CLYBL: variants seen among roughly 807,000 people sequenced by gnomAD.
The protein encoded by CLYBL is citramalyl-CoA lyase, mitochondrial.
Under a neutral mutation model 38.9 loss-of-function variants are expected in CLYBL, and 31 were observed. The ratio of observed to expected loss-of-function variants is 0.80; its 90% confidence interval spans 0.60 to 1.08. CLYBL has a LOEUF of 1.08. Ranked by LOEUF, CLYBL falls within the 50% of genes least tolerant of loss-of-function variation. The pLI, the probability that CLYBL is intolerant of heterozygous loss-of-function variation, is 0.00. For missense variants in CLYBL, 434 were observed against 411.6 expected (o/e 1.05, Z -0.47); for synonymous variants, 171 against 158.6 (o/e 1.08, Z -0.59).
rs371285163 is a variant in CLYBL, at chr13:99,692,634, G to A, written c.63-80190G>A. ...AAAGGACACACGTCAGTGGTTTTCA[G>A]TCTCTTCACAAAGTTGTGTAATGAT... On this transcript the variant is annotated intron_variant, in intron 1 of 8. Coordinates refer to ENST00000339105, the MANE Select transcript of CLYBL (RefSeq NM_206808.5). 4.6e-5 allele frequency among the ~76,000 whole-genome samples: 7 copies of A among 152,200 alleles called. No individual in the cohort carries two copies. In the East Asian group the frequency reaches 1.2e-3, roughly 25 times the overall value.
intron 1 of CLYBL, among the ~76,000 whole-genome samples, chr13:99,758,568 G>A (rs758014084): frequency 1.3e-5 from 2 of 152,098 alleles, no homozygotes; most frequent in Admixed American, 6.6e-5. Flanking sequence ...ACAGATTTTG[G>A]AACAGCTGGG....
chr13:99,697,661 C>CT (rs1345788134), intron 1 of CLYBL, among the ~76,000 whole-genome samples: 7,273 of 135,582 alleles, frequency 0.054, 516 homozygotes, highest in African/African-American at 0.16. Context: ...TTCTTTCTTT[C>CT]TTTTTTTTTT....
intron 1 of CLYBL, among the ~76,000 whole-genome samples, chr13:99,721,028 G>A (rs908508192): frequency 6.7e-6 from 1 of 148,622 alleles, no homozygotes; most frequent in African/African-American, 2.5e-5. Context: ...CCATTCTGTA[G>A]TTCCCTAATT....
intron 2 of CLYBL, among the ~76,000 whole-genome samples, chr13:99,788,394 G>C (rs1366110734): frequency 6.6e-6 from 1 of 152,184 alleles, no homozygotes; most frequent in Non-Finnish European, 1.5e-5. Context: ...AATTTATTGA[G>C]AGTTTTTAGC....
chr13:99,678,916 G>A (rs1441526244), intron 1 of CLYBL, among the ~76,000 whole-genome samples: 2 of 152,148 alleles, frequency 1.3e-5, no homozygotes, highest in Non-Finnish European at 2.9e-5. Flanking sequence ...TGAGGACCTA[G>A]TATGTGCTGG....
intron 4 of CLYBL, 43 bp from the exon 5 acceptor site, chr13:99,864,775 C>T (rs1431757623): frequency 7.4e-7 from 1 of 1,352,774 alleles, no homozygotes; most frequent in African/African-American, 1.4e-5. Context: ...CCCTCTGACG[C>T]ACGCGTTTCC....
chr13:99,808,083 G>GTTGT (rs965383541), intron 2 of CLYBL, among the ~76,000 whole-genome samples: 3 of 152,032 alleles, frequency 2.0e-5, no homozygotes, highest in South Asian at 2.1e-4. Context: ...TGTTTTTGTT[G>GTTGT]TTGTTTGTTT....
intron 2 of CLYBL, among the ~76,000 whole-genome samples, chr13:99,824,257 G>GCCCCCCCCCCCCCCCCCC (rs57450534): frequency 8.4e-4 from 110 of 130,232 alleles, no homozygotes; most frequent in Non-Finnish European, 1.0e-3. Context: ...CTGACTAATA[G>GCCCCCCCCCCCCCCCCCC]CCCCCCCCAC....
chr13:99,824,112 A>C (rs1456850408), intron 2 of CLYBL, among the ~76,000 whole-genome samples: 2 of 152,216 alleles, frequency 1.3e-5, no homozygotes, highest in Non-Finnish European at 2.9e-5. Context: ...TTCTAGACTT[A>C]AATAAGTCCC....
intron 7 of CLYBL, among the ~76,000 whole-genome samples, chr13:99,889,023 G>A (rs376517880): frequency 2.6e-5 from 4 of 152,070 alleles, no homozygotes; most frequent in African/African-American, 9.7e-5. Flanking sequence ...GCTACATTTC[G>A]TTTTGCACCT....
intron 1 of CLYBL, among the ~76,000 whole-genome samples, chr13:99,710,637 G>C (rs2048215385): frequency 6.6e-6 from 1 of 152,124 alleles, no homozygotes; most frequent in African/African-American, 2.4e-5. Context: ...TCCCAAATGA[G>C]AGGTGTCCTT....
At chr13:99,897,617 T>TTC (rs1239330660), downstream of CLYBL, among the ~76,000 whole-genome samples, 1 of 152,164 alleles carries the variant, frequency 6.6e-6, no homozygotes, top group African/African-American at 2.4e-5. Context: ...CGGTGAAACT[T>TTC]TCTCTCTTTC....
chr13:99,725,743 G>T (rs2048461741), intron 1 of CLYBL, among the ~76,000 whole-genome samples: 1 of 152,180 alleles, frequency 6.6e-6, no homozygotes, highest in African/African-American at 2.4e-5. Flanking sequence ...CCACGCCGCT[G>T]AAAGGGTGGA....
chr13:99,820,449 A>G (rs773215898), intron 2 of CLYBL, among the ~76,000 whole-genome samples: 8 of 152,070 alleles, frequency 5.3e-5, no homozygotes, highest in Non-Finnish European at 7.4e-5. Flanking sequence ...GACTGCTTCC[A>G]TATACTCTGT....
chr13:99,836,718 T>G (rs1404555783), intron 2 of CLYBL, among the ~76,000 whole-genome samples: 1 of 152,220 alleles, frequency 6.6e-6, no homozygotes, highest in Non-Finnish European at 1.5e-5. Context: ...CTTAAATCAT[T>G]AAATTCTTCC....
chr13:99,831,103 C>T (rs565295397), intron 2 of CLYBL, among the ~76,000 whole-genome samples: 1 of 152,212 alleles, frequency 6.6e-6, no homozygotes, highest in South Asian at 2.1e-4. Flanking sequence ...GGTTGGGTGG[C>T]GGCAGCTGCA....
rs534844481 is a variant in CLYBL, at chr13:99,695,499, G to A, written c.63-77325G>A. On this transcript the variant is annotated intron_variant, in intron 1 of 8. Coordinates refer to ENST00000339105, the MANE Select transcript of CLYBL (RefSeq NM_206808.5). Reference sequence around the variant, plus strand: ...TAGCAAGCCCGTTCAGATTCTTCTTGGTGTTCCTGTGTGACATTTTTTTTT... The same window carrying A: ...TAGCAAGCCCGTTCAGATTCTTCTTAGTGTTCCTGTGTGACATTTTTTTTT... Among the ~76,000 whole-genome samples, 8 of 152,148 alleles carry A rather than the reference G, an allele frequency of 5.3e-5. No homozygotes were observed. The East Asian group carries it at 1.5e-3, about 29-fold the overall frequency.
intron 3 of CLYBL, among the ~76,000 whole-genome samples, chr13:99,862,594 C>T (rs892495012): frequency 1.4e-4 from 21 of 152,084 alleles, no homozygotes; most frequent in African/African-American, 5.1e-4. Flanking sequence ...GTGCTGGGCA[C>T]GAAACAAAAA....
At chr13:99,702,103 C>T (rs1324022153) in intron 1 of CLYBL, among the ~76,000 whole-genome samples, 2 of 152,004 alleles carry the variant, frequency 1.3e-5, no homozygotes, top group Non-Finnish European at 2.9e-5. Flanking sequence ...TTCATCACAC[C>T]TTTTATTTTT....
Sources: allele counts gnomAD v4.1 joint callset (sites outside exome capture counted in the v4.1 genomes callset), GRCh38; gene constraint gnomAD v4.1.1; transcripts MANE v1.5; gene names NCBI Gene and HGNC (gene_info 2026-07-23, HGNC 2026-07-21).